Variants in SRPK2 observed in about 807,000 individuals in gnomAD.
SRPK2 encodes the protein SRSF protein kinase 2.
Under a neutral mutation model 90.8 loss-of-function variants are expected in SRPK2, and 21 were observed. The ratio of observed to expected loss-of-function variants is 0.23; its 90% CI spans 0.16 to 0.33. The LOEUF (loss-of-function observed/expected upper bound fraction) is 0.33. SRPK2 is among the 10% of genes least tolerant of loss of function. The probability of loss-of-function intolerance (pLI) is 1.00; values close to 1 mark genes in which losing one functional copy is unlikely to be tolerated. For synonymous variants in SRPK2, 288 were observed against 311.1 expected (o/e 0.93, Z 0.78); for missense variants, 620 against 869.0 (o/e 0.71, Z 3.60).
intron 6 of SRPK2, among the ~76,000 whole-genome samples, chr7:105,163,452 T>C (rs981551155): frequency 6.6e-6 from 1 of 152,084 alleles, no homozygotes; most frequent in Admixed American, 6.6e-5. Flanking sequence ...TGAGATAATG[T>C]TGAAGATGAA....
chr7:105,337,648 C>G (rs1356325970), intron 2 of SRPK2, among the ~76,000 whole-genome samples: 1 of 152,082 alleles, frequency 6.6e-6, no homozygotes, highest in Non-Finnish European at 1.5e-5. Context: ...AGACACCAGA[C>G]AGCTTGCTCC....
In SRPK2 at chr7:105,169,042, G is replaced by A; in HGVS notation, c.338+115C>T. 3.7e-6 allele frequency: 3 copies of A among 814,226 alleles called. No homozygotes were observed. In the South Asian group the frequency reaches 5.3e-5, roughly 14 times the overall value. The allele number at this position is 814,226 out of a possible 1,614,324, so 50.4% of individuals were successfully genotyped here. A position where few individuals can be genotyped will look rare whatever the true frequency, so the allele number is the denominator to read the frequency against. ...ATCTAGCCAGCTGAGGCAGGCCTGTGCTAAGCACTTCACATACCTCAACAA... is the reference window on the plus strand; with the variant it reads ...ATCTAGCCAGCTGAGGCAGGCCTGTACTAAGCACTTCACATACCTCAACAA... On this transcript the variant is annotated intron_variant, in intron 4 of 15. Coordinates refer to ENST00000393651, the MANE Select transcript of SRPK2 (RefSeq NM_182692.3).
At chr7:105,272,660 T>A (rs1805972391) in intron 2 of SRPK2, among the ~76,000 whole-genome samples, 1 of 152,130 alleles carries the variant, frequency 6.6e-6, no homozygotes, top group African/African-American at 2.4e-5. Context: ...ACCCTTGCCA[T>A]CAAGAACTAC....
chr7:105,385,005 T>C (rs1293559854), intron 2 of SRPK2, among the ~76,000 whole-genome samples: 3 of 148,518 alleles, frequency 2.0e-5, no homozygotes, highest in Non-Finnish European at 4.4e-5. Flanking sequence ...GCCTCCCGAG[T>C]AGCTGGGACT....
chr7:105,367,560 G>T (rs191609737), intron 2 of SRPK2, among the ~76,000 whole-genome samples: 33 of 152,168 alleles, frequency 2.2e-4, no homozygotes, highest in Non-Finnish European at 4.4e-4. Flanking sequence ...ACCACACCTG[G>T]CCAGTTACAG....
At chr7:105,301,356 C>T (rs1810529606) in intron 2 of SRPK2, among the ~76,000 whole-genome samples, 1 of 152,068 alleles carries the variant, frequency 6.6e-6, no homozygotes, top group Admixed American at 6.5e-5. Flanking sequence ...TGGGCGCTGC[C>T]GAGGCCAGGG....
chr7:105,246,610 G>C (rs1801697075), intron 2 of SRPK2, among the ~76,000 whole-genome samples: 1 of 152,230 alleles, frequency 6.6e-6, no homozygotes, highest in South Asian at 2.1e-4. Context: ...GTGACACTGA[G>C]GAAGGGCCAA....
intron 2 of SRPK2, among the ~76,000 whole-genome samples, chr7:105,292,351 T>C (rs1809150135): frequency 6.6e-6 from 1 of 151,916 alleles, no homozygotes. Flanking sequence ...CTACAAAATA[T>C]ACAAAAATTA....
At chr7:105,345,499 A>T (rs368719702) in intron 2 of SRPK2, among the ~76,000 whole-genome samples, 1 of 152,216 alleles carries the variant, frequency 6.6e-6, no homozygotes. Context: ...ATGACCAAGC[A>T]TATCGCAAGA....
intron 2 of SRPK2, among the ~76,000 whole-genome samples, chr7:105,240,581 G>T (rs952141158): frequency 1.3e-5 from 2 of 152,002 alleles, no homozygotes; most frequent in South Asian, 4.2e-4. Context: ...GGCAGTGGAG[G>T]AGGAGAAGAA....
At chr7:105,204,675 G>T in intron 2 of SRPK2, 2 of 990,988 alleles carry the variant, frequency 2.0e-6, no homozygotes, top group Admixed American at 2.1e-5. Flanking sequence ...GGGCATTTCT[G>T]CAACGGCAGC....
chr7:105,341,215 T>C (rs1359656222), intron 2 of SRPK2, among the ~76,000 whole-genome samples: 2 of 151,266 alleles, frequency 1.3e-5, no homozygotes, highest in Admixed American at 1.3e-4. Context: ...AACACAAAAA[T>C]TAACCAGGCG....
intron 2 of SRPK2, among the ~76,000 whole-genome samples, chr7:105,313,881 A>G (rs1812014827): frequency 6.6e-6 from 1 of 152,212 alleles, no homozygotes; most frequent in Non-Finnish European, 1.5e-5. Context: ...AAAACAAGCA[A>G]AGTAAAAGAA....
rs1470036916 is a variant in SRPK2, at chr7:105,142,387, C to A, written c.1164G>T (p.Trp388Cys). The A allele has an allele frequency of 1.2e-6, 2 of 1,614,074 alleles. No homozygotes were observed. Among genetic ancestry groups the A allele is most frequent in the Non-Finnish European group, 1.7e-6 (2 of 1,180,014 alleles). The change falls in exon 11 of 16, where the codon TGG (tryptophan) becomes TGT (cysteine). Residue 388 changes from tryptophan to cysteine, a missense_variant. This residue lies in a region of SRPK2 where 243 missense variants were observed against 245.7 expected (regional missense o/e 0.99). Transcript: ENST00000393651. ...GGCCATTGGTTTTAGGTGATTCTAT[C>A]CACGTAGGGTCTATGTTCGCAAGTT... ...DQELANIDPTWIESPKTNGHI... is the reference protein window; with the variant it reads ...DQELANIDPTCIESPKTNGHI...
intron 2 of SRPK2, among the ~76,000 whole-genome samples, chr7:105,271,147 T>G (rs1280286808): frequency 6.6e-6 from 1 of 152,220 alleles, no homozygotes; most frequent in Admixed American, 6.5e-5. Context: ...GAATCCATCT[T>G]CATCATGGCA....
At chr7:105,381,087 A>G (rs1404148714) in intron 2 of SRPK2, among the ~76,000 whole-genome samples, 1 of 151,906 alleles carries the variant, frequency 6.6e-6, no homozygotes, top group Non-Finnish European at 1.5e-5. Flanking sequence ...CTAAAAATAC[A>G]AAGAAAATAA....
chr7:105,123,497 CA>C (rs1772076485), intron 15 of SRPK2, among the ~76,000 whole-genome samples: 1 of 152,102 alleles, frequency 6.6e-6, no homozygotes, highest in African/African-American at 2.4e-5. Flanking sequence ...ATTTTGTTAT[CA>C]GTTCTAGCAC....
intron 2 of SRPK2, among the ~76,000 whole-genome samples, chr7:105,282,141 A>G (rs982815252): frequency 9.2e-5 from 14 of 152,360 alleles, no homozygotes; most frequent in African/African-American, 7.2e-5. Flanking sequence ...TCAATGAAAG[A>G]TAACGGAAAG....
chr7:105,157,268 G>T (rs998040669), intron 7 of SRPK2, among the ~76,000 whole-genome samples: 1 of 152,190 alleles, frequency 6.6e-6, no homozygotes, highest in Non-Finnish European at 1.5e-5. Flanking sequence ...TAAGGAGAAT[G>T]ACTGGAACAT....
Sources: gnomAD v4.1 joint callset for allele counts (sites outside exome capture counted in the v4.1 genomes callset) on GRCh38, gnomAD v4.1.1 for gene constraint, gnomAD v4.1.1 regional missense constraint, MANE v1.5 for transcripts, NCBI Gene and HGNC (gene_info 2026-07-23, HGNC 2026-07-21) for gene names.